NEK11: variants seen among roughly 807,000 people sequenced by gnomAD.
The protein encoded by NEK11 is serine/threonine-protein kinase Nek11.
NEK11 carries 72 observed loss-of-function variants against 80.7 expected under a neutral mutation model. That is an observed-to-expected ratio of 0.89 (90% CI 0.74 to 1.08). The LOEUF is 1.08. Among genes scored for constraint, NEK11 ranks in the 50% least tolerant of loss-of-function variants. The probability of loss-of-function intolerance (pLI) is 0.00; values close to 1 mark genes in which losing one functional copy is unlikely to be tolerated. For synonymous variants in NEK11, 251 were observed against 260.7 expected (o/e 0.96, Z 0.36); for missense variants, 764 against 763.6 (o/e 1.00, Z -0.01).
chr3:131,066,219 G>T (rs894479690), intron 3 of NEK11, among the ~76,000 whole-genome samples: 1 of 152,128 alleles, frequency 6.6e-6, no homozygotes, highest in Non-Finnish European at 1.5e-5. Context: ...CCTGCTGGCC[G>T]CTGCTTTATA....
intron 16 of NEK11, among the ~76,000 whole-genome samples, chr3:131,267,226 T>G (rs1485788771): frequency 2.0e-5 from 3 of 152,238 alleles, no homozygotes; most frequent in Non-Finnish European, 4.4e-5. Context: ...TTTGATCCTG[T>G]CATTATGATG....
At chr3:131,068,005 AGAT>A (rs2072373871) in intron 3 of NEK11, among the ~76,000 whole-genome samples, 1 of 152,156 alleles carries the variant, frequency 6.6e-6, no homozygotes, top group South Asian at 2.1e-4. Flanking sequence ...CTCATCTGTA[AGAT>A]GATGAAGCTG....
Position 131,299,437 on chromosome 3 carries a change from C to T in NEK11, c.1718+25863C>T, listed in dbSNP as rs1428105756. On this transcript the variant is annotated intron_variant, in intron 17 of 17. Coordinates refer to ENST00000383366, the MANE Select transcript of NEK11 (RefSeq NM_024800.5). ...GAACTCCTGGCCTCAAGTGATCCAC[C>T]TGCCTCAGCCTCCCAAAAGTGCTGC... is the stretch of plus-strand genomic sequence containing the variant. 2.0e-5 allele frequency among the ~76,000 whole-genome samples: 3 copies of T among 152,146 alleles called. No individual in the cohort carries two copies. In the East Asian group the frequency reaches 5.8e-4, roughly 29 times the overall value.
intron 3 of NEK11, among the ~76,000 whole-genome samples, chr3:131,055,944 A>G (rs561338055): frequency 6.6e-6 from 1 of 152,332 alleles, no homozygotes; most frequent in Non-Finnish European, 1.5e-5. Flanking sequence ...GTAGCAGGAT[A>G]CAGTATTCTT....
intron 5 of NEK11, among the ~76,000 whole-genome samples, chr3:131,114,167 G>A (rs974992237): frequency 6.6e-6 from 1 of 151,980 alleles, no homozygotes; most frequent in African/African-American, 2.4e-5. Flanking sequence ...TTGGTTTTCA[G>A]TATTTAATTT....
intron 5 of NEK11, among the ~76,000 whole-genome samples, chr3:131,130,079 C>T (rs998871666): frequency 1.3e-5 from 2 of 152,024 alleles, no homozygotes; most frequent in African/African-American, 4.8e-5. Flanking sequence ...GATTATTTTT[C>T]CATTTATTTA....
intron 3 of NEK11, among the ~76,000 whole-genome samples, chr3:131,039,200 G>T (rs2066086440): frequency 6.6e-6 from 1 of 151,994 alleles, no homozygotes; most frequent in East Asian, 1.9e-4. Context: ...CCCTAAAAGG[G>T]CTTTTTTCAT....
At chr3:131,170,697 A>G in intron 13 of NEK11, 76 bp from the exon 14 acceptor site, 2 of 922,114 alleles carry the variant, frequency 2.2e-6, no homozygotes, top group Non-Finnish European at 3.6e-6. Context: ...CTTCTAAATA[A>G]GAATATTTTT....
At chr3:131,126,137 T>C (rs575658860) in intron 5 of NEK11, among the ~76,000 whole-genome samples, 2 of 152,362 alleles carry the variant, frequency 1.3e-5, no homozygotes, top group South Asian at 2.1e-4. Context: ...AATTGTGTCC[T>C]TCTTTTCTAT....
intron 17 of NEK11, among the ~76,000 whole-genome samples, chr3:131,332,354 C>A (rs1413315491): frequency 6.6e-6 from 1 of 152,248 alleles, no homozygotes; most frequent in Non-Finnish European, 1.5e-5. Context: ...CCCAGGCAAA[C>A]AGGGTCTGGA....
intron 17 of NEK11, among the ~76,000 whole-genome samples, chr3:131,300,786 T>C (rs1034778027): frequency 2.0e-5 from 3 of 152,126 alleles, no homozygotes; most frequent in Non-Finnish European, 4.4e-5. Flanking sequence ...TGGTATCCTT[T>C]TGATATAGTT....
intron 1 of NEK11, chr3:131,027,317 C>T (rs1039751245): frequency 6.6e-6 from 1 of 152,150 alleles, no homozygotes; most frequent in Non-Finnish European, 1.5e-5. Context: ...TTGCCTTCCT[C>T]TTATTACCTG....
intron 17 of NEK11, among the ~76,000 whole-genome samples, chr3:131,316,581 G>C (rs561833165): frequency 6.6e-6 from 1 of 152,282 alleles, no homozygotes; most frequent in South Asian, 2.1e-4. Context: ...AAGGCTCCAA[G>C]CCTGAGCTCC....
chr3:131,346,524 C>T (rs1486168639), intron 17 of NEK11, among the ~76,000 whole-genome samples: 1 of 152,008 alleles, frequency 6.6e-6, no homozygotes, highest in Non-Finnish European at 1.5e-5. Context: ...TGTTTGGGTA[C>T]AGCCATGGAG....
intron 4 of NEK11, among the ~76,000 whole-genome samples, chr3:131,090,957 T>G (rs1032392509): frequency 6.6e-6 from 1 of 152,178 alleles, no homozygotes; most frequent in East Asian, 1.9e-4. Context: ...AGAGATGGGA[T>G]CTTGCTATGT....
At chr3:131,117,565 C>T (rs1048358779) in intron 5 of NEK11, among the ~76,000 whole-genome samples, 7 of 152,106 alleles carry the variant, frequency 4.6e-5, no homozygotes, top group African/African-American at 7.2e-5. Flanking sequence ...TTACCTTGGG[C>T]AGTATGGCCA....
At chr3:131,058,019 T>C (rs1577575988) in intron 3 of NEK11, among the ~76,000 whole-genome samples, 1 of 152,006 alleles carries the variant, frequency 6.6e-6, no homozygotes, top group East Asian at 1.9e-4. Flanking sequence ...TTTATGGTTT[T>C]AGGTCTAACA....
In NEK11 at chr3:131,228,282, AT is replaced by A. The variant is rs769194630; in HGVS notation, c.1400-239del. On this transcript the variant is annotated intron_variant, in intron 14 of 17. Transcript: ENST00000383366. Reference sequence around the variant, plus strand: ...GCATATTATTTATTCTTATTTAATGATTTTTTTCTTACCTTCAAACGGTAGT... The same window carrying A: ...GCATATTATTTATTCTTATTTAATGATTTTTTCTTACCTTCAAACGGTAGT... Among the ~76,000 whole-genome samples the A allele has an allele frequency of 3.3e-5, 5 of 152,182 alleles. No individual in the cohort carries two copies. In the East Asian group the frequency reaches 5.8e-4, roughly 18 times the overall value.
chr3:131,174,371 C>T (rs925538910), intron 14 of NEK11, among the ~76,000 whole-genome samples: 2 of 152,152 alleles, frequency 1.3e-5, no homozygotes, highest in African/African-American at 4.8e-5. Flanking sequence ...TGCAAACTTT[C>T]AGCACCCAAA....
Sources: allele counts gnomAD v4.1 joint callset (sites outside exome capture counted in the v4.1 genomes callset), GRCh38; gene constraint gnomAD v4.1.1; transcripts MANE v1.5; gene names NCBI Gene and HGNC (gene_info 2026-07-23, HGNC 2026-07-21).